SH3RF1: variants seen among roughly 807,000 people sequenced by gnomAD.
SH3RF1 encodes the protein SH3 domain containing ring finger 1, also known as E3 ubiquitin-protein ligase SH3RF1.
SH3RF1 carries 32 observed loss-of-function variants against 74.0 expected under a neutral mutation model. The observed-to-expected ratio is 0.43, with a 90% CI of 0.33 to 0.58. The LOEUF (loss-of-function observed/expected upper bound fraction) is 0.58, where lower values mean the gene tolerates loss of function less well. Ranked by LOEUF, SH3RF1 falls within the 20% of genes least tolerant of loss-of-function variation. The pLI is 0.05. For synonymous variants in SH3RF1, 396 were observed against 439.6 expected (o/e 0.90, Z 1.24); for missense variants, 954 against 1,130.9 (o/e 0.84, Z 2.24).
rs1733072331 is a variant in SH3RF1, at chr4:169,103,216, A to G, written c.2498+3631T>C. ...CTCCCAAAGTGCTGGGATTACAGGCATGAGCCACCATGCCTGGCACATTCT... is the reference window on the plus strand; with the variant it reads ...CTCCCAAAGTGCTGGGATTACAGGCGTGAGCCACCATGCCTGGCACATTCT... On this transcript the variant is annotated intron_variant, in intron 11 of 11. Transcript: ENST00000284637. 2.0e-5 allele frequency among the ~76,000 whole-genome samples: 3 copies of G among 150,552 alleles called. No homozygotes were observed. In the South Asian group the frequency reaches 6.3e-4, roughly 31 times the overall value.
At chr4:169,096,862 A>C (rs1732940486) in intron 11 of SH3RF1, among the ~76,000 whole-genome samples, 175 bp from the exon 12 acceptor site, 1 of 152,240 alleles carries the variant, frequency 6.6e-6, no homozygotes, top group African/African-American at 2.4e-5. Context: ...TAGTACTAAC[A>C]AAGACTGGAT....
At chr4:169,114,585 G>A (rs1363072945) in intron 10 of SH3RF1, among the ~76,000 whole-genome samples, 11 of 152,284 alleles carry the variant, frequency 7.2e-5, no homozygotes, top group African/African-American at 2.4e-4. Context: ...GAAGGGCCCA[G>A]CTGAAGAGTC....
At chr4:169,136,247 A>G in intron 5 of SH3RF1, 71 bp downstream of exon 5, 1 of 1,326,450 alleles carries the variant, frequency 7.5e-7, no homozygotes. Flanking sequence ...TCAGCCAGTG[A>G]GCAAACATGT....
At chr4:169,173,931 C>G (rs1168929984) in intron 2 of SH3RF1, among the ~76,000 whole-genome samples, 1 of 152,070 alleles carries the variant, frequency 6.6e-6, no homozygotes. Context: ...TACCCACACA[C>G]CACCACTACC....
In SH3RF1 at chr4:169,224,258, G is replaced by A. The variant is rs1283826046; in HGVS notation, c.393+44562C>T. On this transcript the variant is annotated intron_variant, in intron 2 of 11. Transcript: ENST00000284637. ...TCTAAGTGTAAGGAAGAAGCCAGTAGAGAGCTATAAACAGAGGAAATGGCA... is the reference window on the plus strand; with the variant it reads ...TCTAAGTGTAAGGAAGAAGCCAGTAAAGAGCTATAAACAGAGGAAATGGCA... Among the ~76,000 whole-genome samples the A allele has an allele frequency of 2.6e-5, 4 of 152,084 alleles. No homozygotes were observed. In the East Asian group the frequency reaches 5.8e-4, roughly 22 times the overall value.
At chr4:169,230,712 A>G (rs1730723348) in intron 2 of SH3RF1, among the ~76,000 whole-genome samples, 1 of 152,078 alleles carries the variant, frequency 6.6e-6, no homozygotes, top group African/African-American at 2.4e-5. Flanking sequence ...TACACAAATT[A>G]GCTGGGCGTG....
At chr4:169,119,131 T>A (rs1212835488) in intron 8 of SH3RF1, among the ~76,000 whole-genome samples, 1 of 151,534 alleles carries the variant, frequency 6.6e-6, no homozygotes, top group Non-Finnish European at 1.5e-5. Context: ...TAGGATGGAG[T>A]CTTGCTCTGC....
chr4:169,176,926 C>CTGT (rs137974213), intron 2 of SH3RF1, among the ~76,000 whole-genome samples: 1,955 of 151,756 alleles, frequency 0.013, 19 homozygotes, highest in South Asian at 0.049. Context: ...TGGTTAATTT[C>CTGT]TGTTGTTGTT....
chr4:169,200,489 A>G (rs1027466977), intron 2 of SH3RF1, among the ~76,000 whole-genome samples: 1 of 152,186 alleles, frequency 6.6e-6, no homozygotes, highest in East Asian at 1.9e-4. Context: ...TAGAAAATAA[A>G]TATTTACTTC....
At position 169,117,722 on chromosome 4, in the gene SH3RF1, C is replaced by T. The variant is rs766681439; in HGVS notation, c.1578G>A (p.Arg526=). The T allele has an allele frequency of 6.2e-7, 1 of 1,614,198 alleles. No homozygotes were observed. The highest frequency in any genetic ancestry group is 1.1e-5 in the South Asian group (1 of 91,080). ...VPMSTAGQTS[R]GVTMVSPSTA... is the part of the protein sequence containing the mutation. ...TGGAAGGACTGACCATGGTCACTCC[C>T]CGACTTGTCTGGCCAGCTGTAGACA... is the stretch of plus-strand genomic sequence containing the variant. Residue 526 remains arginine, a synonymous_variant, in exon 9 of 12, where the codon CGG becomes CGA. Coordinates refer to ENST00000284637, the MANE Select transcript of SH3RF1 (RefSeq NM_020870.4).
At chr4:169,129,284 T>C (rs1199926408) in intron 6 of SH3RF1, among the ~76,000 whole-genome samples, 4 of 152,268 alleles carry the variant, frequency 2.6e-5, no homozygotes, top group Admixed American at 2.0e-4. Flanking sequence ...GTCTCACAAC[T>C]GCTAGTTCCT....
chr4:169,265,529 A>C (rs944090112), intron 2 of SH3RF1, among the ~76,000 whole-genome samples: 1 of 152,160 alleles, frequency 6.6e-6, no homozygotes, highest in Non-Finnish European at 1.5e-5. Context: ...ACTGGAGTGC[A>C]AGGGTGCGAT....
At chr4:169,176,465 C>T (rs779230848) in intron 2 of SH3RF1, among the ~76,000 whole-genome samples, 7 of 151,998 alleles carry the variant, frequency 4.6e-5, no homozygotes, top group African/African-American at 1.4e-4. Context: ...CAATTTTAAC[C>T]GAACAAAACA....
At chr4:169,179,602 C>T (rs571914343) in intron 2 of SH3RF1, among the ~76,000 whole-genome samples, 1 of 152,318 alleles carries the variant, frequency 6.6e-6, no homozygotes, top group South Asian at 2.1e-4. Context: ...ACTTCCCACT[C>T]TCTTCAGGTT....
intron 11 of SH3RF1, among the ~76,000 whole-genome samples, chr4:169,105,084 T>A (rs564386522): frequency 3.9e-5 from 6 of 152,016 alleles, no homozygotes; most frequent in Non-Finnish European, 8.8e-5. Context: ...AATACAGAGG[T>A]AAGGTGAATT....
At chr4:169,209,571 TC>T (rs1363077159) in intron 2 of SH3RF1, among the ~76,000 whole-genome samples, 1 of 152,158 alleles carries the variant, frequency 6.6e-6, no homozygotes, top group Non-Finnish European at 1.5e-5. Context: ...ATTTTCAGTA[TC>T]AACATTAGCT....
intron 6 of SH3RF1, among the ~76,000 whole-genome samples, chr4:169,128,709 T>C (rs189945520): frequency 1.3e-5 from 2 of 152,346 alleles, no homozygotes; most frequent in Admixed American, 6.5e-5. Context: ...CTAATTATGT[T>C]GTGGAGTCTT....
intron 2 of SH3RF1, among the ~76,000 whole-genome samples, chr4:169,193,206 T>G (rs1047606664): frequency 1.3e-5 from 2 of 151,966 alleles, no homozygotes; most frequent in African/African-American, 4.8e-5. Context: ...AAGTGATGGG[T>G]GTCCAAAATC....
intron 9 of SH3RF1, 33 bp downstream of exon 9, chr4:169,117,490 T>G (rs756254159): frequency 6.2e-7 from 1 of 1,607,870 alleles, no homozygotes; most frequent in African/African-American, 1.3e-5. Context: ...AAGCCCTTTA[T>G]CCTGATATGT....
Sources: allele counts gnomAD v4.1 joint callset (sites outside exome capture counted in the v4.1 genomes callset), GRCh38; gene constraint gnomAD v4.1.1; transcripts MANE v1.5; gene names NCBI Gene and HGNC (gene_info 2026-07-23, HGNC 2026-07-21).